Variants in AATK observed in about 807,000 individuals in gnomAD.
The protein encoded by AATK is serine/threonine-protein kinase LMTK1.
A neutral mutation model predicts 114.3 loss-of-function variants in AATK; 91 were observed. The observed-to-expected ratio is 0.80, with a 90% CI of 0.67 to 0.95. The LOEUF is 0.95. Among genes scored for constraint, AATK ranks in the 40% least tolerant of loss-of-function variants. The pLI is 0.00. For synonymous variants in AATK, 1,075 were observed against 916.5 expected (o/e 1.17, Z -3.12); for missense variants, 2,176 against 1,965.2 (o/e 1.11, Z -2.03).
intron 13 of AATK, 71 bp from the exon 14 acceptor site, chr17:81,118,513 C>T (rs1301239752): frequency 6.5e-7 from 1 of 1,527,484 alleles, no homozygotes; most frequent in Non-Finnish European, 8.9e-7. Context: ...CAACTCCCAC[C>T]TGGCCTCCAT....
In AATK at chr17:81,126,023, G is replaced by A. The variant is rs2060815400; in HGVS notation, c.755+404C>T. 5 of 479,190 alleles carry A rather than the reference G, an allele frequency of 1.0e-5. No individual in the cohort carries two copies. Among genetic ancestry groups the A allele is most frequent in the Non-Finnish European group, 2.1e-5 (5 of 233,806 alleles). The allele number at this position is 479,190 out of a possible 1,614,324, so 29.7% of individuals were successfully genotyped here. A position where few individuals can be genotyped will look rare whatever the true frequency, so the allele number is the denominator to read the frequency against. ...ACTTCTTCCAGCATGTCCCCCCGGG[G>A]TCCCCAGGGGCTGGGCATCCTGGCC... On this transcript the variant is annotated intron_variant, in intron 7 of 13. Transcript: ENST00000326724. The surrounding 1 kb of genome is among the most constrained non-coding windows in gnomAD (Gnocchi z 5.1).
rs540203262 is a variant in AATK, at chr17:81,121,305, G to A, written c.2631C>T (p.Asp877=). The change falls in exon 11 of 14, where the codon GAC becomes GAT. Residue 877 remains aspartate (D), a synonymous_variant. Coordinates refer to ENST00000326724, the MANE Select transcript of AATK (RefSeq NM_001080395.3). ...TSGIFTDTSS[D]GLQARRPDVV... ...CATCCGGCCTCCTGGCCTGCAGGCC[G>A]TCGCTGGACGTGTCGGTGAAGATGC... 89 of 1,612,004 alleles carry A rather than the reference G, an allele frequency of 5.5e-5. No homozygotes were observed. Among genetic ancestry groups the A allele is most frequent in the Middle Eastern group, 1.7e-4 (1 of 6,040 alleles).
chr17:81,133,633 G>T (rs1420629119), intron 2 of AATK, among the ~76,000 whole-genome samples: 2 of 152,226 alleles, frequency 1.3e-5, no homozygotes, highest in Non-Finnish European at 2.9e-5. Context: ...GACTCTGGGA[G>T]GGGGAGGCGA....
chr17:81,146,491 G>A (rs1284230273), intron 1 of AATK, among the ~76,000 whole-genome samples: 1 of 152,160 alleles, frequency 6.6e-6, no homozygotes, highest in Non-Finnish European at 1.5e-5. Flanking sequence ...CGAGGTGGGT[G>A]GATCACTTGA....
At chr17:81,132,431 A>G (rs1376341549) in intron 2 of AATK, among the ~76,000 whole-genome samples, 2 of 152,220 alleles carry the variant, frequency 1.3e-5, no homozygotes, top group African/African-American at 4.8e-5. Context: ...CCCGCAGGCC[A>G]GGCCCAGCCT....
At chr17:81,123,974 AC>A (rs1202158050) in intron 9 of AATK, among the ~76,000 whole-genome samples, 1 of 151,902 alleles carries the variant, frequency 6.6e-6, no homozygotes, top group Non-Finnish European at 1.5e-5. Flanking sequence ...GTGACTGGAG[AC>A]CCCAGCCAGC....
intron 9 of AATK, 95 bp downstream of exon 9, chr17:81,124,632 C>T: frequency 1.3e-6 from 2 of 1,544,404 alleles, no homozygotes; most frequent in Non-Finnish European, 1.8e-6. Flanking sequence ...GCTCCGGCAG[C>T]CCCCTGACCT....
At chr17:81,151,452 G>A (rs2146392653) in intron 1 of AATK, among the ~76,000 whole-genome samples, 1 of 152,140 alleles carries the variant, frequency 6.6e-6, no homozygotes, top group East Asian at 1.9e-4. Context: ...CACACTTGTG[G>A]CTCAGACGCA....
At chr17:81,127,324 G>A (rs541389163) in intron 6 of AATK, among the ~76,000 whole-genome samples, 56 of 152,204 alleles carry the variant, frequency 3.7e-4, no homozygotes, top group Non-Finnish European at 3.4e-4. Flanking sequence ...ACAAGCAGGT[G>A]ACCAAGCAGC....
chr17:81,156,547 G>A (rs1227802587), intron 1 of AATK, among the ~76,000 whole-genome samples: 3 of 152,100 alleles, frequency 2.0e-5, no homozygotes, highest in Non-Finnish European at 2.9e-5. Context: ...ACAGGCGCCA[G>A]CCACCACACC....
At chr17:81,128,575 A>G in intron 3 of AATK, 26 bp from the exon 4 acceptor site, 1 of 1,548,242 alleles carries the variant, frequency 6.5e-7, no homozygotes. Flanking sequence ...GGGTTCAGGG[A>G]CCCAGTGTGG....
Position 81,119,492 on chromosome 17 carries a change from C to T in AATK, c.3972G>A (p.Pro1324=), listed in dbSNP as rs771563675. Residue 1324 remains proline (P), a synonymous_variant, in exon 13 of 14, where the codon CCG becomes CCA. Transcript: ENST00000326724. The stretch of plus-strand genomic sequence containing the variant: ...GAGCGGGCGTGGGCGTGGGCGCAGC[C>T]GGGGCGGGTGCGGCCGGGTCTAGGG... ...AMALDPAAPA[P]AAPTPTPAPF... is the part of the protein sequence containing the mutation. 2 of 1,519,930 alleles carry T rather than the reference C, an allele frequency of 1.3e-6. No homozygotes were observed. Among genetic ancestry groups the T allele is most frequent in the Non-Finnish European group, 1.8e-6 (2 of 1,136,820 alleles). The allele number at this position is 1,519,930 out of a possible 1,614,324, so 94.2% of individuals were successfully genotyped here. A position where few individuals can be genotyped will look rare whatever the true frequency, so the allele number is the denominator to read the frequency against.
intron 13 of AATK, 113 bp downstream of exon 13, chr17:81,119,267 G>GGAGCA: frequency 1.9e-6 from 2 of 1,054,866 alleles, no homozygotes; most frequent in Non-Finnish European, 2.5e-6. Flanking sequence ...GGAGCGGAGC[G>GGAGCA]GAGCGGAGCC....
At position 81,119,538 on chromosome 17, in the gene AATK, G is replaced by A; in HGVS notation, c.3926C>T (p.Ala1309Val). The change falls in exon 13 of 14, where the codon GCC (alanine) becomes GTC (valine). Residue 1309 changes from alanine to valine, a missense_variant. Ala to Val is a moderately conservative substitution (Grantham distance 64). Coordinates refer to ENST00000326724, the MANE Select transcript of AATK (RefSeq NM_001080395.3). ...TAGGGCCATGGCGAAGGCTGCCTTGGCCGTCATCAGCGGGAAGTCGTCGTC... is the reference window on the plus strand; with the variant it reads ...TAGGGCCATGGCGAAGGCTGCCTTGACCGTCATCAGCGGGAAGTCGTCGTC... ...AWDDDFPLMT[A>V]KAAFAMALDP... The A allele has an allele frequency of 6.3e-7, 1 of 1,580,066 alleles. No individual in the cohort carries two copies. The highest frequency in any genetic ancestry group is 8.6e-7 in the Non-Finnish European group (1 of 1,165,620).
intron 1 of AATK, chr17:81,165,541 C>T: frequency 1.1e-6 from 1 of 937,604 alleles, no homozygotes; most frequent in Non-Finnish European, 1.5e-6. Flanking sequence ...GCCTCCCACG[C>T]CAGGGCCCCG....
In AATK at chr17:81,122,310, GC is replaced by G; in HGVS notation, c.1625del (p.Gly542AlafsTer76). ...CGCAGCCGGCGCAGTCAGGGTCGTGGCCGGCGGCGGGTGCGGCCTCCTCTAG... is the reference window on the plus strand; with the variant it reads ...CGCAGCCGGCGCAGTCAGGGTCGTGGCGGCGGCGGGTGCGGCCTCCTCTAG... ...IRLEEAAPAAGHDPDCAGCAP... is the reference protein window; with the variant it reads ...IRLEEAAPAAXHDPDCAGCAP... On this transcript the variant is annotated frameshift_variant, in exon 11 of 14. Transcript: ENST00000326724. LOFTEE classifies it high-confidence loss of function. 1 of 1,510,386 alleles carries G rather than the reference GC, an allele frequency of 6.6e-7. No individual in the cohort carries two copies. The highest frequency in any genetic ancestry group is 8.8e-7 in the Non-Finnish European group (1 of 1,134,694). The allele number at this position is 1,510,386 out of a possible 1,614,324, so 93.6% of individuals were successfully genotyped here.
Position 81,145,246 on chromosome 17 carries a change from A to AAAG in AATK, c.56-10746_56-10745insCTT, listed in dbSNP as rs1555598731. Among the ~76,000 whole-genome samples the AAAG allele has an allele frequency of 1.2e-4, 8 of 65,700 alleles. No individual in the cohort carries two copies. In the East Asian group the frequency reaches 1.7e-3, roughly 14 times the overall value. The allele number at this position is 65,700 out of a possible 152,430, so 43.1% of individuals were successfully genotyped here. ...AGTGAGACTCCATCAAAAAAAAAAA[A>AAAG]AAAAGAAAAAGAAAAAGAAAAAAGA... On this transcript the variant is annotated intron_variant, in intron 1 of 13. Coordinates refer to ENST00000326724, the MANE Select transcript of AATK (RefSeq NM_001080395.3).
At chr17:81,118,602 C>G (rs1172039571) in intron 13 of AATK, among the ~76,000 whole-genome samples, 160 bp from the exon 14 acceptor site, 4 of 152,232 alleles carry the variant, frequency 2.6e-5, no homozygotes, top group Middle Eastern at 3.2e-3. Flanking sequence ...CCCATTTCCC[C>G]CACTCCTGTC....
At chr17:81,125,093 TG>T in intron 7 of AATK, 79 bp from the exon 8 acceptor site, 2 of 885,892 alleles carry the variant, frequency 2.3e-6, no homozygotes. Context: ...GGAGGGTCAG[TG>T]GGGTGTGCCG....
Sources: gnomAD v4.1 joint callset for allele counts (sites outside exome capture counted in the v4.1 genomes callset) on GRCh38, gnomAD v4.1.1 for gene constraint, Gnocchi (gnomAD v3.1) non-coding constraint, MANE v1.5 for transcripts, NCBI Gene and HGNC (gene_info 2026-07-23, HGNC 2026-07-21) for gene names.